ZBTB48: variants seen among roughly 807,000 people sequenced by gnomAD.
ZBTB48 encodes the protein zinc finger and BTB domain-containing protein 48.
A neutral mutation model predicts 64.5 loss-of-function variants in ZBTB48; 35 were observed. The ratio of observed to expected loss-of-function variants is 0.54; its 90% confidence interval spans 0.41 to 0.72. ZBTB48 has a LOEUF of 0.72. ZBTB48 is among the 30% of genes least tolerant of loss of function. ZBTB48 has a pLI of 0.00. For synonymous variants in ZBTB48, 442 were observed against 356.7 expected (o/e 1.24, Z -2.70); for missense variants, 828 against 895.3 (o/e 0.92, Z 0.96).
chr1:6,584,874 C>T lies in ZBTB48; in HGVS notation c.933-1045C>T, dbSNP rs1032629513. On this transcript the variant is annotated intron_variant, in intron 3 of 10. Coordinates refer to ENST00000377674, the MANE Select transcript of ZBTB48 (RefSeq NM_005341.4). This position sits in a 1 kb window ranked among gnomAD's most constrained non-coding sequence, Gnocchi z 4.5. ...GCAGGCTGCACAGGGGCTCTGAGGT[C>T]GAGTTCGTTTAGTTCATTGATTAAG... Among the ~76,000 whole-genome samples the T allele has an allele frequency of 2.0e-5, 3 of 152,098 alleles. No homozygotes were observed. The highest frequency in any genetic ancestry group is 4.4e-5 in the Non-Finnish European group (3 of 68,030).
rs762273674 is a variant in ZBTB48, at chr1:6,582,285, A to G, written c.918A>G (p.Leu306=). 6.5e-5 allele frequency: 105 copies of G among 1,610,996 alleles called. No homozygotes were observed. Among genetic ancestry groups the G allele is most frequent in the Non-Finnish European group, 8.7e-5 (103 of 1,177,526 alleles). Residue 306 remains leucine (L), a synonymous_variant, in exon 3 of 11, where the codon CTA becomes CTG. Transcript: ENST00000377674. ...AAAAGTTCCTCAGCAAATATTATCT[A>G]AAAGTCCACAACAGGTAAACGTTCT... ...CHKKFLSKYY[L]KVHNRKHTGE... is the part of the protein sequence containing the mutation.
rs1640583494 is a variant in ZBTB48 at position 6,584,360 on chromosome 1, G to A, written c.933-1559G>A. 6.6e-6 allele frequency among the ~76,000 whole-genome samples: 1 copy of A among 152,270 alleles called. No homozygotes were observed. Among genetic ancestry groups the A allele is most frequent in the Non-Finnish European group, 1.5e-5 (1 of 68,050 alleles). ...GACATAGCACATTTCCATCATCGTG[G>A]AGAATCCCCTTGGGCGGCACTGCTT... On this transcript the variant is annotated intron_variant, in intron 3 of 10. Coordinates refer to ENST00000377674, the MANE Select transcript of ZBTB48 (RefSeq NM_005341.4). This position sits in a 1 kb window ranked among gnomAD's most constrained non-coding sequence, Gnocchi z 4.5.
At position 6,585,951 on chromosome 1, in the gene ZBTB48, C is replaced by T; in HGVS notation, c.965C>T (p.Pro322Leu). Residue 322 changes from proline to leucine, a missense_variant, in exon 4 of 11, where the codon CCC (proline) becomes CTC (leucine). By Grantham distance (98) the Pro-to-Leu change is moderately conservative. Transcript: ENST00000377674. The stretch of plus-strand genomic sequence containing the variant: ...ACTGGGGAGAAACCCTTTGAGTGTC[C>T]CAAATGTGGGAAGTGTTACTTTCGG... The part of the protein sequence containing the change: ...KHTGEKPFEC[P>L]KCGKCYFRKE... 6.2e-7 allele frequency: 1 copy of T among 1,614,080 alleles called. No homozygotes were observed. Among genetic ancestry groups the T allele is most frequent in the Non-Finnish European group, 8.5e-7 (1 of 1,179,984 alleles).
intron 3 of ZBTB48, among the ~76,000 whole-genome samples, chr1:6,582,704 G>A (rs561224271): frequency 1.1e-3 from 160 of 152,376 alleles, no homozygotes; most frequent in African/African-American, 3.8e-3. Flanking sequence ...ACAGTGCCAA[G>A]CCTTGGTTCA....
At chr1:6,587,022 C>G (rs1203612261) in intron 5 of ZBTB48, 183 bp from the exon 6 acceptor site, 2 of 862,392 alleles carry the variant, frequency 2.3e-6, no homozygotes, top group African/African-American at 3.3e-5. Flanking sequence ...ACAGGCTTGG[C>G]ATCCTCTGGG....
rs1429190880 is a variant in ZBTB48, at chr1:6,580,368, G to GC, written c.-69-167dup. 1.4e-5 allele frequency among the ~76,000 whole-genome samples: 2 copies of GC among 146,514 alleles called. No homozygotes were observed. Among genetic ancestry groups the GC allele is most frequent in the African/African-American group, 5.0e-5 (2 of 40,264 alleles). ...CACCAGGCCCTTCTTCACGACCCTG[G>GC]CCCCCCATCCAGCATCCCCCCTGGC... On this transcript the variant is annotated intron_variant, in intron 1 of 10. Transcript: ENST00000377674. This position sits in a 1 kb window ranked among gnomAD's most constrained non-coding sequence, Gnocchi z 5.2.
Position 6,581,000 on chromosome 1 carries a change from G to A in ZBTB48, c.391G>A (p.Gly131Arg), listed in dbSNP as rs200132214. The change falls in exon 2 of 11, where the codon GGG (glycine) becomes AGG (arginine). Residue 131 changes from glycine to arginine, a missense_variant. Physicochemically the swap from Gly to Arg is moderately radical, Grantham distance 125. Coordinates refer to ENST00000377674, the MANE Select transcript of ZBTB48 (RefSeq NM_005341.4). The surrounding 1 kb of genome is among the most constrained non-coding windows in gnomAD (Gnocchi z 5.2). ...GGCAGCAGGTGGCCAGAGTGGGCTGGGGCCCCCTGCCTCCCAGAATGTGAA... is the reference window on the plus strand; with the variant it reads ...GGCAGCAGGTGGCCAGAGTGGGCTGAGGCCCCCTGCCTCCCAGAATGTGAA... ...GQAAGGQSGL[G>R]PPASQNVNSH... 6.2e-7 allele frequency: 1 copy of A among 1,613,504 alleles called. No individual in the cohort carries two copies. Among genetic ancestry groups the A allele is most frequent in the Admixed American group, 1.7e-5 (1 of 60,018 alleles).
Position 6,583,602 on chromosome 1 carries a change from TA to T in ZBTB48, c.932+1304del, listed in dbSNP as rs748479608. Among the ~76,000 whole-genome samples the T allele has an allele frequency of 1.0e-2, 1,484 of 148,720 alleles. 15 individuals are homozygous for T. Among genetic ancestry groups the T allele is most frequent in the South Asian group, 0.019 (91 of 4,710 alleles). On this transcript the variant is annotated intron_variant, in intron 3 of 10. Transcript: ENST00000377674. ...GCATGAGCCACTGCGCCCAGCCTGT[TA>T]TTTTTTTTTTTTTTTTTGAGACAGT...
Position 6,580,084 on chromosome 1 carries a change from G to A in ZBTB48, c.-122G>A, listed in dbSNP as rs528408891. 9.7e-4 allele frequency: 185 copies of A among 191,376 alleles called. No homozygotes were observed. Among genetic ancestry groups the A allele is most frequent in the African/African-American group, 4.2e-3 (179 of 42,136 alleles). 11.9% of individuals were successfully genotyped at this position (191,376 alleles called of 1,614,324 possible). A position where few individuals can be genotyped will look rare whatever the true frequency, so the allele number is the denominator to read the frequency against. On this transcript the variant is annotated 5_prime_UTR_variant, in exon 1 of 11. Coordinates refer to ENST00000377674, the MANE Select transcript of ZBTB48 (RefSeq NM_005341.4). The surrounding 1 kb of genome is among the most constrained non-coding windows in gnomAD (Gnocchi z 5.2). ...GCCGGGCACTAGGTTCGTGGGCTGT[G>A]GAGGCGACGGAGCAGGGGGCCAGTG...
chr1:6,585,129 G>T (rs1312597968), intron 3 of ZBTB48, among the ~76,000 whole-genome samples: 2 of 152,164 alleles, frequency 1.3e-5, no homozygotes, highest in East Asian at 3.8e-4. Flanking sequence ...AGTAGCCAGG[G>T]TCTCTAGAGT....
In ZBTB48 at chr1:6,586,157, C is replaced by T. The variant is rs953974094; in HGVS notation, c.1044+127C>T. ...TGTAAACTCAGGAAAGCTGTGGGGTCCTTGGATGTCATGAGGTCCATGCCC... is the reference window on the plus strand; with the variant it reads ...TGTAAACTCAGGAAAGCTGTGGGGTTCTTGGATGTCATGAGGTCCATGCCC... On this transcript the variant is annotated intron_variant, in intron 4 of 10. Coordinates refer to ENST00000377674, the MANE Select transcript of ZBTB48 (RefSeq NM_005341.4). The T allele has an allele frequency of 5.4e-6, 5 of 922,264 alleles. No homozygotes were observed. In the African/African-American group the frequency reaches 6.6e-5, roughly 12 times the overall value. 57.1% of individuals were successfully genotyped at this position (922,264 alleles called of 1,614,324 possible). A position where few individuals can be genotyped will look rare whatever the true frequency, so the allele number is the denominator to read the frequency against.
chr1:6,581,569 TGGGA>T (rs1329738577), intron 2 of ZBTB48, among the ~76,000 whole-genome samples: 3 of 149,982 alleles, frequency 2.0e-5, no homozygotes, highest in Non-Finnish European at 4.4e-5. Context: ...GAGGGTGAGG[TGGGA>T]GGATCACTTG....
Position 6,589,180 on chromosome 1 carries a change from A to G in ZBTB48, c.2035A>G (p.Thr679Ala), listed in dbSNP as rs771505882. The change falls in exon 11 of 11, where the codon ACA becomes GCA. Residue 679 changes from threonine (T) to alanine (A), a missense_variant. Transcript: ENST00000377674. ...PGVLEPSLII[T>A]AAVPEDCDT ...TGTCCTGGAGCCCTCCCTCATCATC[A>G]CAGCTGCTGTCCCCGAGGACTGTGA... 335 of 1,535,978 alleles carry G rather than the reference A, an allele frequency of 2.2e-4. 1 individual carries two copies. The South Asian group carries it at 2.5e-3, about 11-fold the overall frequency.
intron 2 of ZBTB48, among the ~76,000 whole-genome samples, chr1:6,581,591 G>A (rs1640466554): frequency 6.6e-6 from 1 of 151,792 alleles, no homozygotes; most frequent in African/African-American, 2.4e-5. Context: ...TTGAGCCCAG[G>A]AAGTGGAGGT....
rs779921888 is a variant in ZBTB48 at position 6,588,209 on chromosome 1, C to T, written c.1516+13C>T. 3.1e-6 allele frequency: 5 copies of T among 1,613,858 alleles called. No individual in the cohort carries two copies. The highest frequency in any genetic ancestry group is 4.2e-6 in the Non-Finnish European group (5 of 1,179,924). ...TTCCGAACCCAAGGTGAGGTACGCCCTGCCCCTCCCCTCGCCTCCCCATCC... is the reference window on the plus strand; with the variant it reads ...TTCCGAACCCAAGGTGAGGTACGCCTTGCCCCTCCCCTCGCCTCCCCATCC... On this transcript the variant is annotated intron_variant, in intron 8 of 10. Coordinates refer to ENST00000377674, the MANE Select transcript of ZBTB48 (RefSeq NM_005341.4).
At chr1:6,586,847 G>T (rs769198471) in intron 5 of ZBTB48, 60 bp downstream of exon 5, 4 of 1,563,142 alleles carry the variant, frequency 2.6e-6, no homozygotes, top group Admixed American at 1.9e-5. Flanking sequence ...TTCCTGCTGA[G>T]CCCTTTACGT....
chr1:6,587,795 G>A (rs183028894), intron 7 of ZBTB48, among the ~76,000 whole-genome samples, 163 bp downstream of exon 7: 1 of 152,324 alleles, frequency 6.6e-6, no homozygotes, highest in African/African-American at 2.4e-5. Flanking sequence ...GGACCTGAGG[G>A]GCAAGCAGCT....
At chr1:6,586,585 C>G in intron 4 of ZBTB48, 110 bp from the exon 5 acceptor site, 1 of 1,380,890 alleles carries the variant, frequency 7.2e-7, no homozygotes, top group East Asian at 2.8e-5. Flanking sequence ...AGCGTCCCCA[C>G]CCTCCCCAGG....
intron 4 of ZBTB48, 92 bp from the exon 5 acceptor site, chr1:6,586,603 T>C: frequency 8.0e-7 from 1 of 1,246,194 alleles, no homozygotes; most frequent in African/African-American, 1.6e-5. Flanking sequence ...AGGCAGACTC[T>C]TCCCAGCAGC....
Sources: allele counts gnomAD v4.1 joint callset (sites outside exome capture counted in the v4.1 genomes callset), GRCh38; gene constraint gnomAD v4.1.1; non-coding constraint Gnocchi (gnomAD v3.1); transcripts MANE v1.5; gene names NCBI Gene and HGNC (gene_info 2026-07-23, HGNC 2026-07-21).